IRAK1BP1: variants seen among roughly 807,000 people sequenced by gnomAD.
IRAK1BP1 encodes interleukin-1 receptor-associated kinase 1-binding protein 1.
IRAK1BP1 carries 24 observed loss-of-function variants against 28.0 expected under a neutral mutation model. The ratio of observed to expected loss-of-function variants is 0.86; its 90% CI spans 0.62 to 1.20. The LOEUF (loss-of-function observed/expected upper bound fraction) is 1.20, where lower values mean the gene tolerates loss of function less well. Among genes scored for constraint, IRAK1BP1 ranks in the 50% most tolerant of loss-of-function variants. The pLI is 0.00. For synonymous variants in IRAK1BP1, 131 were observed against 116.3 expected, an observed-to-expected ratio of 1.13 and a Z score of -0.81; for missense variants, 336 against 316.7, an observed-to-expected ratio of 1.06 and a Z score of -0.46.
chr6:78,889,135 G>A (rs66664760), intron 2 of IRAK1BP1, among the ~76,000 whole-genome samples: 35,154 of 121,126 alleles, frequency 0.29, 6,923 homozygotes, highest in African/African-American at 0.46. Context: ...AAAAAAAAAA[G>A]AAAGAAAGAA....
chr6:78,880,368 T>G (rs971519208), intron 1 of IRAK1BP1, among the ~76,000 whole-genome samples: 2 of 152,210 alleles, frequency 1.3e-5, no homozygotes, highest in African/African-American at 4.8e-5. Flanking sequence ...AGTTTTGAAT[T>G]TTTGAGCTTT....
downstream of IRAK1BP1, among the ~76,000 whole-genome samples, chr6:78,947,189 C>G (rs994740730): frequency 2.0e-5 from 3 of 152,122 alleles, no homozygotes; most frequent in Admixed American, 6.6e-5. Flanking sequence ...AATGTTTGAA[C>G]CTGTTTTCTA....
the IRAK1BP1 span, chr6:78,955,654 G>C: frequency 4.1e-5 from 45 of 1,088,442 alleles, no homozygotes; most frequent in Middle Eastern, 1.8e-3. Context: ...GAATTATAAA[G>C]TGGAATTATG....
At chr6:78,881,118 A>G (rs969026698) in intron 1 of IRAK1BP1, among the ~76,000 whole-genome samples, 1 of 152,208 alleles carries the variant, frequency 6.6e-6, no homozygotes, top group Non-Finnish European at 1.5e-5. Flanking sequence ...GGAAGCAGCC[A>G]AGATGTCTTT....
the IRAK1BP1 span, among the ~76,000 whole-genome samples, chr6:78,974,623 C>A: frequency 6.6e-6 from 1 of 151,746 alleles, no homozygotes; most frequent in Non-Finnish European, 1.5e-5. Context: ...ATCGATAGAC[C>A]GCCAGCAAGA....
chr6:78,890,326 A>C (rs1174307013), intron 2 of IRAK1BP1, among the ~76,000 whole-genome samples: 3 of 151,944 alleles, frequency 2.0e-5, no homozygotes, highest in Non-Finnish European at 4.4e-5. Context: ...TGTAGATGAC[A>C]GGTTGATGGA....
intron 4 of IRAK1BP1, among the ~76,000 whole-genome samples, chr6:78,910,678 C>T (rs1041710610): frequency 3.3e-5 from 5 of 152,202 alleles, no homozygotes; most frequent in Non-Finnish European, 7.3e-5. Context: ...GCGGATGACC[C>T]GGGCTCCCGC....
intron 4 of IRAK1BP1, among the ~76,000 whole-genome samples, chr6:78,911,447 T>C (rs1257529204): frequency 6.6e-6 from 1 of 152,186 alleles, no homozygotes; most frequent in Non-Finnish European, 1.5e-5. Context: ...TCTGGGATGT[T>C]ACTCATCCCC....
rs1773146867 is a variant in IRAK1BP1 at position 78,933,667 on chromosome 6, ACTT to A, written c.*68-11740_*68-11738del. Among the ~76,000 whole-genome samples the A allele has an allele frequency of 2.9e-5, 4 of 139,552 alleles. No individual in the cohort carries two copies. The South Asian group carries it at 8.7e-4, about 30-fold the overall frequency. 91.6% of individuals were successfully genotyped at this position (139,552 alleles called of 152,430 possible). A position where few individuals can be genotyped will look rare whatever the true frequency, so the allele number is the denominator to read the frequency against. On this transcript the variant is annotated intron_variant and NMD_transcript_variant, in intron 4 of 4. Transcript: ENST00000606868. ...ATGAACCAACCTCTGCTAGCTTCCAACTTTTTTTTTTTTTTTTTTGGCAGCTTT... is the reference window on the plus strand; with the variant it reads ...ATGAACCAACCTCTGCTAGCTTCCAATTTTTTTTTTTTTTTTGGCAGCTTT...
intron 2 of IRAK1BP1, among the ~76,000 whole-genome samples, chr6:78,890,803 C>G (rs367669913): frequency 2.0e-5 from 3 of 152,056 alleles, no homozygotes; most frequent in South Asian, 2.1e-4. Context: ...ATGAAGGAGA[C>G]GGTAATACAA....
At chr6:78,964,641 C>T in the IRAK1BP1 span, among the ~76,000 whole-genome samples, 2 of 152,026 alleles carry the variant, frequency 1.3e-5, no homozygotes, top group African/African-American at 4.8e-5. Context: ...TACAGGCACA[C>T]GCCACCACGC....
At chr6:78,870,228 G>A (rs1047165468) in intron 1 of IRAK1BP1, among the ~76,000 whole-genome samples, 4 of 148,224 alleles carry the variant, frequency 2.7e-5, no homozygotes, top group African/African-American at 7.5e-5. Flanking sequence ...TCTGAGCTAT[G>A]GAAGTGAGAC....
At chr6:78,923,664 G>A (rs1772805310) in intron 4 of IRAK1BP1, among the ~76,000 whole-genome samples, 1 of 152,126 alleles carries the variant, frequency 6.6e-6, no homozygotes, top group Admixed American at 6.6e-5. Flanking sequence ...CCACATAGTT[G>A]GAAGTAAAGC....
chr6:78,897,699 G>A, intron 2 of IRAK1BP1, 130 bp from the exon 3 acceptor site: 1 of 603,164 alleles, frequency 1.7e-6, no homozygotes, highest in Non-Finnish European at 2.5e-6. Context: ...TATCAAATAG[G>A]CTTTTAAAAA....
intron 2 of IRAK1BP1, among the ~76,000 whole-genome samples, chr6:78,890,252 A>G (rs931621096): frequency 9.3e-5 from 14 of 150,182 alleles, no homozygotes; most frequent in Non-Finnish European, 1.9e-4. Context: ...GGGGAACATC[A>G]CATACCAGGG....
At chr6:78,954,961 G>A in the IRAK1BP1 span, 1 of 1,549,120 alleles carries the variant, frequency 6.5e-7, no homozygotes, top group Non-Finnish European at 8.7e-7. Flanking sequence ...TAGGCTGATG[G>A]TCCTGTGATA....
Position 78,902,822 on chromosome 6 carries a change from A to ACATACATACATACATACATACAT in IRAK1BP1, c.*4488_*4489insCATACATACATACATACATACAT. The ACATACATACATACATACATACAT allele has an allele frequency of 1.9e-6, 1 of 513,510 alleles. No individual in the cohort carries two copies. Among genetic ancestry groups the ACATACATACATACATACATACAT allele is most frequent in the Non-Finnish European group, 3.5e-6 (1 of 287,518 alleles). 31.8% of individuals were successfully genotyped at this position (513,510 alleles called of 1,614,324 possible). A position where few individuals can be genotyped will look rare whatever the true frequency, so the allele number is the denominator to read the frequency against. ...TACATACATACATACATACATACAT[A>ACATACATACATACATACATACAT]AAATGCCCAGTATCTTACAAGACTG... On this transcript the variant is annotated 3_prime_UTR_variant, in exon 4 of 4. Coordinates refer to ENST00000369940, the MANE Select transcript of IRAK1BP1 (RefSeq NM_001010844.4).
At chr6:78,975,497 C>G in the IRAK1BP1 span, among the ~76,000 whole-genome samples, 4 of 152,128 alleles carry the variant, frequency 2.6e-5, no homozygotes, top group Non-Finnish European at 5.9e-5. Flanking sequence ...CACTCCTATT[C>G]AACATAGTGA....
intron 4 of IRAK1BP1, among the ~76,000 whole-genome samples, chr6:78,942,220 C>T (rs573834059): frequency 2.0e-5 from 3 of 152,274 alleles, no homozygotes; most frequent in Admixed American, 6.5e-5. Flanking sequence ...CAGTGGCTCA[C>T]GATTATAATC....
Sources: allele counts gnomAD v4.1 joint callset (sites outside exome capture counted in the v4.1 genomes callset), GRCh38; gene constraint gnomAD v4.1.1; transcripts MANE v1.5; gene names NCBI Gene and HGNC (gene_info 2026-07-23, HGNC 2026-07-21).